The following RPS6KC1 variants were observed in gnomAD, a reference collection of about 807,000 sequenced individuals.
RPS6KC1 encodes the protein inactive ribosomal protein S6 kinase delta-1.
Under a neutral mutation model 103.8 loss-of-function variants are expected in RPS6KC1, and 54 were observed. The ratio of observed to expected loss-of-function variants is 0.52; its 90% CI spans 0.42 to 0.65. The LOEUF (loss-of-function observed/expected upper bound fraction) is 0.65. RPS6KC1 is among the 30% of genes least tolerant of loss of function. The pLI, the probability that RPS6KC1 is intolerant of heterozygous loss-of-function variation, is 0.00. For missense variants in RPS6KC1, 1,151 were observed against 1,253.8 expected, an observed-to-expected ratio of 0.92 and a Z score of 1.24; for synonymous variants, 439 against 438.7, an observed-to-expected ratio of 1.00 and a Z score of -0.01.
chr1:213,129,437 T>C, intron 5 of RPS6KC1, 90 bp from the exon 6 acceptor site: 1 of 1,379,860 alleles, frequency 7.2e-7, no homozygotes, highest in Non-Finnish European at 9.8e-7. Context: ...TTGACTTGGA[T>C]AATATGAAAA....
the RPS6KC1 span, among the ~76,000 whole-genome samples, chr1:213,343,104 AGAG>A: frequency 6.6e-6 from 1 of 152,210 alleles, no homozygotes; most frequent in Non-Finnish European, 1.5e-5. Flanking sequence ...GCTTAAAAAA[AGAG>A]GAGAAATCAA....
the RPS6KC1 span, among the ~76,000 whole-genome samples, chr1:213,313,484 T>C: frequency 6.6e-6 from 1 of 152,224 alleles, no homozygotes; most frequent in African/African-American, 2.4e-5. Context: ...TCATTGTTTA[T>C]ATCCCTTTTT....
the RPS6KC1 span, among the ~76,000 whole-genome samples, chr1:213,515,648 T>C: frequency 6.6e-6 from 1 of 152,228 alleles, no homozygotes; most frequent in African/African-American, 2.4e-5. Flanking sequence ...TAGTATAGTT[T>C]GAAGTCAGGT....
At chr1:213,266,235 C>T (rs941120162) in intron 14 of RPS6KC1, among the ~76,000 whole-genome samples, 13 of 152,158 alleles carry the variant, frequency 8.5e-5, no homozygotes, top group African/African-American at 2.9e-4. Context: ...AAGTAGTGGA[C>T]TGGCATATAA....
chr1:213,206,927 A>G (rs1330519353), intron 8 of RPS6KC1, among the ~76,000 whole-genome samples: 1 of 152,148 alleles, frequency 6.6e-6, no homozygotes, highest in East Asian at 1.9e-4. Context: ...CGTGGCCAGC[A>G]TGGTGAAACC....
the RPS6KC1 span, among the ~76,000 whole-genome samples, chr1:213,858,866 G>T: frequency 1.3e-5 from 2 of 152,194 alleles, no homozygotes; most frequent in South Asian, 4.1e-4. Context: ...GGGCAAAGTG[G>T]CTCACTCCCT....
the RPS6KC1 span, among the ~76,000 whole-genome samples, chr1:213,614,562 C>T: frequency 2.0e-5 from 3 of 152,330 alleles, no homozygotes; most frequent in Admixed American, 2.0e-4. Flanking sequence ...TTGTTCCAGT[C>T]GGCCTGCCTC....
intron 4 of RPS6KC1, among the ~76,000 whole-genome samples, chr1:213,110,774 A>G (rs1303309320): frequency 1.3e-5 from 2 of 152,030 alleles, no homozygotes; most frequent in African/African-American, 4.8e-5. Context: ...TCTGGTCTCT[A>G]CACAGATGGG....
chr1:213,064,927 G>A (rs546365672), intron 1 of RPS6KC1, among the ~76,000 whole-genome samples: 169 of 150,090 alleles, frequency 1.1e-3, no homozygotes, highest in African/African-American at 3.5e-3. Context: ...CACCCGCCTC[G>A]GCCTCCCAAA....
At chr1:213,776,470 T>A in the RPS6KC1 span, among the ~76,000 whole-genome samples, 1 of 151,648 alleles carries the variant, frequency 6.6e-6, no homozygotes, top group Non-Finnish European at 1.5e-5. Flanking sequence ...AGCAGTAATA[T>A]CTTGAAAGAA....
the RPS6KC1 span, among the ~76,000 whole-genome samples, chr1:213,526,307 T>C: frequency 6.6e-6 from 1 of 152,096 alleles, no homozygotes; most frequent in Non-Finnish European, 1.5e-5. Context: ...CATGTGATAT[T>C]GTTGGTTGGG....
chr1:213,433,960 C>T, the RPS6KC1 span, among the ~76,000 whole-genome samples: 1 of 151,868 alleles, frequency 6.6e-6, no homozygotes, highest in African/African-American at 2.4e-5. Flanking sequence ...TGAGAAAGTC[C>T]AATTTATAAA....
At chr1:213,636,795 C>G in the RPS6KC1 span, among the ~76,000 whole-genome samples, 961 of 152,208 alleles carry the variant, frequency 6.3e-3, 12 homozygotes, top group African/African-American at 0.022. Context: ...AGCTTCTGCA[C>G]AGCAAAAGAA....
the RPS6KC1 span, among the ~76,000 whole-genome samples, chr1:213,514,851 G>T: frequency 6.6e-6 from 1 of 152,180 alleles, no homozygotes; most frequent in Non-Finnish European, 1.5e-5. Flanking sequence ...CACCAACAGT[G>T]TAAAAGTGTT....
At chr1:213,472,769 C>T in the RPS6KC1 span, among the ~76,000 whole-genome samples, 2 of 152,106 alleles carry the variant, frequency 1.3e-5, no homozygotes, top group African/African-American at 4.8e-5. Flanking sequence ...GGGGAGTACA[C>T]AATCTAATAG....
At chr1:213,686,646 A>C in the RPS6KC1 span, among the ~76,000 whole-genome samples, 1 of 152,116 alleles carries the variant, frequency 6.6e-6, no homozygotes, top group Non-Finnish European at 1.5e-5. Flanking sequence ...TCCCTAAGGG[A>C]GGTTCCATCT....
chr1:213,427,282 A>T, the RPS6KC1 span, among the ~76,000 whole-genome samples: 2 of 152,358 alleles, frequency 1.3e-5, no homozygotes, highest in Middle Eastern at 3.4e-3. Context: ...TTTGTGGAAG[A>T]TGCTGTCACT....
At chr1:213,639,204 C>T in the RPS6KC1 span, among the ~76,000 whole-genome samples, 2 of 152,148 alleles carry the variant, frequency 1.3e-5, no homozygotes, top group South Asian at 2.1e-4. Context: ...TATCCTATAA[C>T]CTTGCTGAAC....
At chr1:213,664,195 G>GGGGGGGT in the RPS6KC1 span, among the ~76,000 whole-genome samples, 1 of 143,116 alleles carries the variant, frequency 7.0e-6, no homozygotes, top group Non-Finnish European at 1.6e-5. Flanking sequence ...AAATGAGCGG[G>GGGGGGGT]GGGGCGGGGT....
Sources: allele counts gnomAD v4.1 joint callset (sites outside exome capture counted in the v4.1 genomes callset), GRCh38; gene constraint gnomAD v4.1.1; transcripts MANE v1.5; gene names NCBI Gene and HGNC (gene_info 2026-07-23, HGNC 2026-07-21).